The following SLC22A8 variants were observed in gnomAD, a reference collection of about 807,000 sequenced individuals.
The protein encoded by SLC22A8 is solute carrier family 22 member 8.
Under a neutral mutation model 48.4 loss-of-function variants are expected in SLC22A8, and 40 were observed. That is an observed-to-expected ratio of 0.83 (90% confidence interval 0.64 to 1.08). SLC22A8 has a LOEUF of 1.08. SLC22A8 is among the 50% of genes least tolerant of loss of function. The pLI, the probability that SLC22A8 is intolerant of heterozygous loss-of-function variation, is 0.00. For synonymous variants in SLC22A8, 268 were observed against 286.3 expected, an observed-to-expected ratio of 0.94 and a Z score of 0.65; for missense variants, 606 against 699.0, an observed-to-expected ratio of 0.87 and a Z score of 1.50.
At chr11:62,996,463 G>C (rs1020822575) in intron 5 of SLC22A8, among the ~76,000 whole-genome samples, 6 of 152,170 alleles carry the variant, frequency 3.9e-5, no homozygotes, top group African/African-American at 1.4e-4. Flanking sequence ...AGGTGGGGCT[G>C]GGGGAGGGGA....
intron 2 of SLC22A8, among the ~76,000 whole-genome samples, chr11:63,001,491 C>T (rs776935337): frequency 9.2e-5 from 14 of 152,342 alleles, no homozygotes; most frequent in Non-Finnish European, 1.5e-4. Context: ...TTCATTTTTA[C>T]GGCGCACAAT....
In SLC22A8 at chr11:62,995,732, G is replaced by A. The variant is rs1204240197; in HGVS notation, c.973C>T (p.Arg325Cys). The change falls in exon 7 of 11, where the codon CGC (arginine) becomes TGC (cysteine). Residue 325 changes from arginine to cysteine, a missense_variant. Transcript: ENST00000336232. ...SDLFRIPMLR[R>C]MTFCLSLAWF... ...GCCAGGGAAAGACAGAAGGTCATGC[G>A]GCGCAGCATGGGTATCCGGAACAGG... 10 of 1,613,878 alleles carry A rather than the reference G, an allele frequency of 6.2e-6. No homozygotes were observed. In the Middle Eastern group the frequency reaches 4.9e-4, roughly 80 times the overall value.
At chr11:63,003,623 ACCC>A (rs899848437) in intron 2 of SLC22A8, among the ~76,000 whole-genome samples, 1 of 152,218 alleles carries the variant, frequency 6.6e-6, no homozygotes, top group African/African-American at 2.4e-5. Flanking sequence ...AAATTCATTC[ACCC>A]CTTCTTCCAT....
At chr11:63,007,970 C>T (rs1471497426) in intron 2 of SLC22A8, among the ~76,000 whole-genome samples, 1 of 152,180 alleles carries the variant, frequency 6.6e-6, no homozygotes, top group Admixed American at 6.5e-5. Context: ...TACCCTTGGC[C>T]CTGAGCACAG....
chr11:63,008,398 G>A (rs563271683), intron 2 of SLC22A8, among the ~76,000 whole-genome samples: 2 of 152,288 alleles, frequency 1.3e-5, no homozygotes, highest in South Asian at 4.2e-4. Flanking sequence ...TGCATTCCTG[G>A]ATCCCTAGAG....
intron 7 of SLC22A8, chr11:62,995,153 C>G (rs2086400147): frequency 9.7e-6 from 3 of 308,040 alleles, no homozygotes; most frequent in East Asian, 1.5e-4. Flanking sequence ...CCCTTCCTCT[C>G]TCTGAACTGT....
Position 63,012,286 on chromosome 11 carries a change from C to T in SLC22A8, c.333+2340G>A, listed in dbSNP as rs573481589. On this transcript the variant is annotated intron_variant, in intron 2 of 10. Transcript: ENST00000336232. ...GATTACAGGTGTGAGCCACTGCACC[C>T]GGCCTTTCTTCTTGCTTCTGTGCCT... Among the ~76,000 whole-genome samples, 48 of 152,194 alleles carry T rather than the reference C, an allele frequency of 3.2e-4. No homozygotes were observed. The South Asian group carries it at 5.0e-3, about 16-fold the overall frequency.
chr11:62,997,599 G>C (rs1290210397), intron 5 of SLC22A8, among the ~76,000 whole-genome samples: 1 of 152,214 alleles, frequency 6.6e-6, no homozygotes, highest in African/African-American at 2.4e-5. Flanking sequence ...GCTCTCAACT[G>C]TGCTCTGCTG....
intron 2 of SLC22A8, among the ~76,000 whole-genome samples, chr11:63,003,689 C>A (rs934707498): frequency 3.9e-5 from 6 of 152,158 alleles, no homozygotes; most frequent in African/African-American, 1.4e-4. Context: ...CCATGTAGTT[C>A]TTGACAATGG....
In SLC22A8 at chr11:63,014,481, C is replaced by A. The variant is rs2086651682; in HGVS notation, c.333+145G>T. 7.4e-6 allele frequency: 5 copies of A among 672,426 alleles called. No individual in the cohort carries two copies. The South Asian group carries it at 1.2e-4, about 16-fold the overall frequency. 41.7% of individuals were successfully genotyped at this position (672,426 alleles called of 1,614,324 possible). A position where few individuals can be genotyped will look rare whatever the true frequency, so the allele number is the denominator to read the frequency against. ...AAGGGTCTTGGTGCATGAGCTTCTG[C>A]ACTCAGGTCCTTCCTCTTTGCCTGC... On this transcript the variant is annotated intron_variant, in intron 2 of 10. Transcript: ENST00000336232.
intron 5 of SLC22A8, among the ~76,000 whole-genome samples, chr11:62,998,294 G>A (rs114687557): frequency 0.015 from 2,236 of 152,168 alleles, 58 homozygotes; most frequent in African/African-American, 0.049. Context: ...GTCTTTCAGT[G>A]TGGCCTCGGG....
intron 2 of SLC22A8, among the ~76,000 whole-genome samples, chr11:63,009,255 C>CAG (rs1230773017): frequency 6.6e-6 from 1 of 152,188 alleles, no homozygotes; most frequent in South Asian, 2.1e-4. Context: ...GGCGGCTGAC[C>CAG]AGAGACCCGG....
intron 2 of SLC22A8, among the ~76,000 whole-genome samples, chr11:63,010,207 C>T (rs1013725206): frequency 1.6e-4 from 25 of 152,190 alleles, no homozygotes; most frequent in African/African-American, 4.8e-4. Context: ...GCCCTTTTTA[C>T]GGATGAGGAA....
At chr11:62,999,168 C>G in intron 4 of SLC22A8, 79 bp from the exon 5 acceptor site, 1 of 1,274,374 alleles carries the variant, frequency 7.8e-7, no homozygotes, top group East Asian at 2.3e-5. Context: ...CCAGCTTCTG[C>G]ATCCCCACGG....
intron 2 of SLC22A8, among the ~76,000 whole-genome samples, chr11:63,002,741 C>T (rs2086511136): frequency 6.6e-6 from 1 of 152,212 alleles, no homozygotes; most frequent in African/African-American, 2.4e-5. Flanking sequence ...TCCAATACTA[C>T]TGCCTTAGTG....
intron 2 of SLC22A8, among the ~76,000 whole-genome samples, chr11:63,002,733 C>T (rs944198838): frequency 6.6e-6 from 1 of 152,102 alleles, no homozygotes; most frequent in African/African-American, 2.4e-5. Context: ...CTTCTATTTC[C>T]AATACTACTG....
intron 2 of SLC22A8, among the ~76,000 whole-genome samples, chr11:63,002,669 A>G (rs2086510102): frequency 6.6e-6 from 1 of 152,036 alleles, no homozygotes; most frequent in Admixed American, 6.6e-5. Flanking sequence ...CTCCTACTCC[A>G]CAATCACTTG....
rs752924956 is a variant in SLC22A8, at chr11:63,014,947, C to T, written c.12G>A (p.Ser4=). MTF[S]EILDRVGSMG... is the part of the protein sequence containing the mutation. ...TGCTTCCCACACGGTCCAGGATCTCCGAGAAGGTCATGGCACTGGGGCAAG... is the reference window on the plus strand; with the variant it reads ...TGCTTCCCACACGGTCCAGGATCTCTGAGAAGGTCATGGCACTGGGGCAAG... Residue 4 remains serine (S), a synonymous_variant, in exon 2 of 11, where the codon TCG becomes TCA. Transcript: ENST00000336232. 59 of 1,547,886 alleles carry T rather than the reference C, an allele frequency of 3.8e-5. No individual in the cohort carries two copies. The South Asian group carries it at 6.2e-4, about 16-fold the overall frequency.
intron 8 of SLC22A8, chr11:62,994,303 T>G: frequency 3.5e-6 from 2 of 570,660 alleles, no homozygotes; most frequent in Admixed American, 3.0e-5. Flanking sequence ...CCTCAAAAAT[T>G]TTCACACTAT....
Sources: allele counts gnomAD v4.1 joint callset (sites outside exome capture counted in the v4.1 genomes callset), GRCh38; gene constraint gnomAD v4.1.1; transcripts MANE v1.5; gene names NCBI Gene and HGNC (gene_info 2026-07-23, HGNC 2026-07-21).